Variants in PTPRR observed in about 807,000 individuals in gnomAD.
PTPRR encodes protein tyrosine phosphatase receptor type R.
Under a neutral mutation model 77.2 loss-of-function variants are expected in PTPRR, and 38 were observed. That is an observed-to-expected ratio of 0.49 (90% CI 0.38 to 0.65). PTPRR has a LOEUF of 0.65. PTPRR is among the 30% of genes least tolerant of loss of function. The probability of loss-of-function intolerance (pLI) is 0.00; values close to 1 mark genes in which losing one functional copy is unlikely to be tolerated. For missense variants in PTPRR, 744 were observed against 799.2 expected (o/e 0.93, Z 0.83); for synonymous variants, 299 against 283.1 (o/e 1.06, Z -0.57).
intron 6 of PTPRR, among the ~76,000 whole-genome samples, chr12:70,743,600 A>G (rs888657241): frequency 6.6e-6 from 1 of 152,128 alleles, no homozygotes; most frequent in Non-Finnish European, 1.5e-5. Context: ...TGGAGAGAAT[A>G]GTCTTTTCCT....
chr12:70,656,925 T>G, intron 12 of PTPRR, 108 bp from the exon 13 acceptor site: 1 of 723,670 alleles, frequency 1.4e-6, no homozygotes, highest in Non-Finnish European at 2.4e-6. Context: ...AAAAGTAGTA[T>G]TCACATATTG....
At chr12:70,871,375 G>A (rs1482476158) in intron 2 of PTPRR, among the ~76,000 whole-genome samples, 4 of 152,044 alleles carry the variant, frequency 2.6e-5, no homozygotes, top group African/African-American at 9.7e-5. Flanking sequence ...CATGCCCTGC[G>A]CTTTGCACTC....
At chr12:70,702,196 T>C (rs1237801198) in intron 6 of PTPRR, among the ~76,000 whole-genome samples, 1 of 152,118 alleles carries the variant, frequency 6.6e-6, no homozygotes, top group Non-Finnish European at 1.5e-5. Context: ...GGGGATGCTC[T>C]TACAACTTAC....
chr12:70,743,194 A>G (rs549843682), intron 6 of PTPRR, among the ~76,000 whole-genome samples: 1 of 152,176 alleles, frequency 6.6e-6, no homozygotes, highest in African/African-American at 2.4e-5. Flanking sequence ...CATGCAAGAA[A>G]CAGAAAAATG....
intron 2 of PTPRR, among the ~76,000 whole-genome samples, chr12:70,834,038 T>C (rs547702842): frequency 2.6e-5 from 4 of 152,248 alleles, no homozygotes; most frequent in African/African-American, 7.2e-5. Context: ...CGTTTTGCCA[T>C]AGATAACAGC....
At chr12:70,686,132 G>A (rs965549007) in intron 8 of PTPRR, among the ~76,000 whole-genome samples, 1 of 152,130 alleles carries the variant, frequency 6.6e-6, no homozygotes, top group Non-Finnish European at 1.5e-5. Context: ...TGTAAAAACA[G>A]GGGTGCAGCA....
intron 7 of PTPRR, among the ~76,000 whole-genome samples, chr12:70,700,867 T>C (rs1888396073): frequency 6.6e-6 from 1 of 152,142 alleles, no homozygotes; most frequent in African/African-American, 2.4e-5. Flanking sequence ...GCAAGGCTAT[T>C]CTTTGTCCTG....
chr12:70,660,234 T>C (rs1459361119), intron 12 of PTPRR, among the ~76,000 whole-genome samples: 1 of 145,770 alleles, frequency 6.9e-6, no homozygotes, highest in African/African-American at 2.4e-5. Context: ...ATAAATTACT[T>C]TAAAAATGCT....
intron 4 of PTPRR, among the ~76,000 whole-genome samples, chr12:70,755,603 TCTTTA>T (rs1369920581): frequency 6.6e-6 from 1 of 152,202 alleles, no homozygotes; most frequent in African/African-American, 2.4e-5. Flanking sequence ...GATTCTATTT[TCTTTA>T]CTTGTAAAAC....
chr12:70,739,038 T>C (rs1412123812), intron 6 of PTPRR, among the ~76,000 whole-genome samples: 1 of 152,200 alleles, frequency 6.6e-6, no homozygotes, highest in Non-Finnish European at 1.5e-5. Flanking sequence ...AATTTATAAG[T>C]ATGTACTTAT....
chr12:70,729,557 A>G (rs901181427), intron 6 of PTPRR, among the ~76,000 whole-genome samples: 8 of 152,274 alleles, frequency 5.3e-5, no homozygotes, highest in South Asian at 2.1e-4. Context: ...GTAAAATGCT[A>G]TATTTTTGGC....
intron 2 of PTPRR, among the ~76,000 whole-genome samples, chr12:70,780,453 A>C (rs1891180246): frequency 2.0e-5 from 3 of 152,164 alleles, no homozygotes; most frequent in Admixed American, 1.3e-4. Flanking sequence ...AAAATTTATA[A>C]AATATAATGA....
chr12:70,883,380 A>G (rs925648293), intron 2 of PTPRR, among the ~76,000 whole-genome samples: 7 of 152,308 alleles, frequency 4.6e-5, no homozygotes, highest in Non-Finnish European at 8.8e-5. Flanking sequence ...ATTACTTCCA[A>G]TGTTTTCCCC....
intron 13 of PTPRR, among the ~76,000 whole-genome samples, chr12:70,648,875 GA>G (rs10706851): frequency 0.44 from 63,989 of 147,044 alleles, 17,157 homozygotes; most frequent in African/African-American, 0.76. Flanking sequence ...CTCCTACTTG[GA>G]AAAAAAAAAA....
intron 3 of PTPRR, among the ~76,000 whole-genome samples, chr12:70,763,709 G>A (rs1361281291): frequency 6.6e-6 from 1 of 152,204 alleles, no homozygotes; most frequent in East Asian, 1.9e-4. Flanking sequence ...GGAACATGGA[G>A]TCCTTGCTTA....
intron 1 of PTPRR, 85 bp downstream of exon 1, chr12:70,920,248 A>C: frequency 1.4e-6 from 2 of 1,439,178 alleles, no homozygotes; most frequent in Non-Finnish European, 1.9e-6. Flanking sequence ...CTTTCTTCGC[A>C]AGGCAAGCTT....
intron 2 of PTPRR, among the ~76,000 whole-genome samples, chr12:70,777,151 G>T (rs1411300833): frequency 2.6e-5 from 4 of 151,814 alleles, no homozygotes; most frequent in East Asian, 3.9e-4. Flanking sequence ...CTGAGATAGA[G>T]TTCTATATTT....
intron 13 of PTPRR, among the ~76,000 whole-genome samples, chr12:70,643,819 G>A (rs1393788189): frequency 6.6e-6 from 1 of 151,164 alleles, no homozygotes; most frequent in Non-Finnish European, 1.5e-5. Context: ...GTGTCATCCT[G>A]GCTGGATCGT....
intron 10 of PTPRR, chr12:70,672,203 G>C: frequency 6.4e-7 from 1 of 1,570,174 alleles, no homozygotes; most frequent in Non-Finnish European, 8.7e-7. Context: ...ATGGTTGGAA[G>C]TGACCTCCCT....
Sources: gnomAD v4.1 joint callset for allele counts (sites outside exome capture counted in the v4.1 genomes callset) on GRCh38, gnomAD v4.1.1 for gene constraint, MANE v1.5 for transcripts, NCBI Gene and HGNC (gene_info 2026-07-23, HGNC 2026-07-21) for gene names.